The following BCAS3 variants were observed in gnomAD, a reference collection of about 807,000 sequenced individuals.
BCAS3 encodes the protein BCAS4/BCAS3 fusion.
In BCAS3, 53 loss-of-function variants were observed where a neutral mutation model predicts 116.1. That is an observed-to-expected ratio of 0.46 (90% confidence interval 0.37 to 0.57). BCAS3 has a LOEUF of 0.57. Among genes scored for constraint, BCAS3 ranks in the 20% least tolerant of loss-of-function variants. The pLI, the probability that BCAS3 is intolerant of heterozygous loss-of-function variation, is 0.00. For missense variants in BCAS3, 917 were observed against 1,165.4 expected, an observed-to-expected ratio of 0.79 and a Z score of 3.10; for synonymous variants, 391 against 408.2, an observed-to-expected ratio of 0.96 and a Z score of 0.51.
At chr17:61,074,629 A>G (rs1313795280) in intron 19 of BCAS3, among the ~76,000 whole-genome samples, 1 of 152,216 alleles carries the variant, frequency 6.6e-6, no homozygotes, top group African/African-American at 2.4e-5. Context: ...CCCAATGAAT[A>G]GATTTGTCGC....
chr17:61,353,862 T>A (rs1030305276), intron 22 of BCAS3: 4 of 152,224 alleles, frequency 2.6e-5, no homozygotes, highest in Non-Finnish European at 4.4e-5. Context: ...GCCCTCTGTT[T>A]CAGGTGTGGA....
rs1046202622 is a variant in BCAS3, at chr17:61,095,840, C to G, written c.2425+11276C>G. 1.3e-5 allele frequency among the ~76,000 whole-genome samples: 2 copies of G among 148,862 alleles called. No homozygotes were observed. Among genetic ancestry groups the G allele is most frequent in the African/African-American group, 5.1e-5 (2 of 39,056 alleles). On this transcript the variant is annotated intron_variant, in intron 22 of 23. Coordinates refer to ENST00000407086, the MANE Select transcript of BCAS3 (RefSeq NM_017679.5). This position sits in a 1 kb window ranked among gnomAD's most constrained non-coding sequence, Gnocchi z 4.7. Reference sequence around the variant, plus strand: ...TTTGAAAACCACTGGTATGCATATTCTCGTACACACACACACACACACACA... The same window carrying G: ...TTTGAAAACCACTGGTATGCATATTGTCGTACACACACACACACACACACA...
intron 10 of BCAS3, chr17:60,891,653 T>G (rs1431850201): frequency 2.2e-6 from 1 of 455,654 alleles, no homozygotes; most frequent in Non-Finnish European, 4.4e-6. Context: ...AAGCCGTATA[T>G]CTTTGTTTAG....
chr17:61,063,520 G>A lies in BCAS3; in HGVS notation c.2030-11400G>A, dbSNP rs1348679515. Among the ~76,000 whole-genome samples, 1 of 152,044 alleles carries A rather than the reference G, an allele frequency of 6.6e-6. No individual in the cohort carries two copies. The highest frequency in any genetic ancestry group is 1.5e-5 in the Non-Finnish European group (1 of 68,004). ...CTTGATCTCGTGATCCGCCACCTCG[G>A]CCTCCCAAAGTGCTGGGATTACAGG... On this transcript the variant is annotated intron_variant, in intron 19 of 23. Transcript: ENST00000407086. The surrounding 1 kb of genome is among the most constrained non-coding windows in gnomAD (Gnocchi z 5.3).
intron 19 of BCAS3, among the ~76,000 whole-genome samples, chr17:61,052,804 T>G (rs1029576207): frequency 6.7e-5 from 10 of 149,580 alleles, no homozygotes; most frequent in African/African-American, 2.4e-4. Flanking sequence ...CTACAACCTC[T>G]GCCTCCCGGA....
chr17:60,871,520 A>G (rs1455905750), intron 8 of BCAS3, among the ~76,000 whole-genome samples: 1 of 151,212 alleles, frequency 6.6e-6, no homozygotes, highest in Non-Finnish European at 1.5e-5. Flanking sequence ...AGGTTTATTT[A>G]TAGGGAAGTA....
At chr17:60,789,462 G>A (rs2046568191) in intron 6 of BCAS3, among the ~76,000 whole-genome samples, 3 of 152,068 alleles carry the variant, frequency 2.0e-5, no homozygotes, top group Admixed American at 1.3e-4. Flanking sequence ...TTAATTGTGC[G>A]ATTTATTAGG....
In BCAS3 at chr17:60,910,675, T is replaced by C; in HGVS notation, c.966T>C (p.Ile322=). 2 of 1,610,028 alleles carry C rather than the reference T, an allele frequency of 1.2e-6. No homozygotes were observed. Among genetic ancestry groups the C allele is most frequent in the Non-Finnish European group, 1.7e-6 (2 of 1,178,198 alleles). The change falls in exon 12 of 24, where the codon ATT becomes ATC. Residue 322 remains isoleucine, a synonymous_variant. Transcript: ENST00000407086. ...TGGTCCCAGGCATCATCACAGTTATTGACACCGAAACCGTTGGAGAGGGCC... is the reference window on the plus strand; with the variant it reads ...TGGTCCCAGGCATCATCACAGTTATCGACACCGAAACCGTTGGAGAGGGCC... ...SPLVPGIITV[I]DTETVGEGQV...
chr17:60,776,376 T>C (rs186994550), intron 6 of BCAS3, among the ~76,000 whole-genome samples: 1 of 152,326 alleles, frequency 6.6e-6, no homozygotes, highest in East Asian at 1.9e-4. Flanking sequence ...TACATTAATA[T>C]TAGTTTTCCA....
rs2055441681 is a variant in BCAS3 at position 60,874,807 on chromosome 17, A to C, written c.661+69A>C. ...ACTACTTACTTGACACAATCAGCAAACTAACTGTAATTTTCTCAACAGTAC... is the reference window on the plus strand; with the variant it reads ...ACTACTTACTTGACACAATCAGCAACCTAACTGTAATTTTCTCAACAGTAC... On this transcript the variant is annotated intron_variant, in intron 9 of 23. Coordinates refer to ENST00000407086, the MANE Select transcript of BCAS3 (RefSeq NM_017679.5). 24 of 947,802 alleles carry C rather than the reference A, an allele frequency of 2.5e-5. No individual in the cohort carries two copies. In the South Asian group the frequency reaches 3.8e-4, roughly 15 times the overall value. The allele number at this position is 947,802 out of a possible 1,614,324, so 58.7% of individuals were successfully genotyped here.
At chr17:61,172,572 G>A (rs1171295920) in intron 22 of BCAS3, among the ~76,000 whole-genome samples, 1 of 152,230 alleles carries the variant, frequency 6.6e-6, no homozygotes, top group Non-Finnish European at 1.5e-5. Context: ...AGGAGGCAGA[G>A]CTTGCAGTGA....
In BCAS3 at chr17:61,222,245, A is replaced by G. The variant is rs917253248; in HGVS notation, c.2425+137681A>G. On this transcript the variant is annotated intron_variant, in intron 22 of 23. Transcript: ENST00000407086. The surrounding 1 kb of genome is among the most constrained non-coding windows in gnomAD (Gnocchi z 6.1). ...TAAGGACTCAGCTTAAACCTTTGAA[A>G]GAAAGGGCCTCCATAGGCTTGTCAA... Among the ~76,000 whole-genome samples the G allele has an allele frequency of 2.6e-5, 4 of 152,254 alleles. No homozygotes were observed. The highest frequency in any genetic ancestry group is 7.2e-5 in the African/African-American group (3 of 41,474).
chr17:60,855,486 GCT>G (rs1232206054), intron 7 of BCAS3, among the ~76,000 whole-genome samples: 5 of 123,262 alleles, frequency 4.1e-5, no homozygotes, highest in African/African-American at 1.6e-4. Flanking sequence ...GCAGAGTCTT[GCT>G]CTGTCGCCCA....
At chr17:61,250,576 T>C (rs1011587689) in intron 22 of BCAS3, among the ~76,000 whole-genome samples, 1 of 152,216 alleles carries the variant, frequency 6.6e-6, no homozygotes, top group Non-Finnish European at 1.5e-5. Context: ...GAGTTAATGT[T>C]TGAGATAAGG....
chr17:60,694,076 C>T (rs192281594), intron 4 of BCAS3, among the ~76,000 whole-genome samples: 1,521 of 150,864 alleles, frequency 0.01, 66 homozygotes, highest in African/African-American at 0.035. Context: ...TTAGTAGAGA[C>T]GGGGTTTCAC....
intron 11 of BCAS3, among the ~76,000 whole-genome samples, chr17:60,908,072 TG>T (rs905444213): frequency 6.6e-6 from 1 of 152,194 alleles, no homozygotes; most frequent in African/African-American, 2.4e-5. Context: ...TCTTGTAACT[TG>T]CTATACAAAT....
In BCAS3 at chr17:61,333,690, G is replaced by A. The variant is rs1390196134; in HGVS notation, c.2426-34637G>A. Reference sequence around the variant, plus strand: ...GGCTGGAGTGCAGTGGTGCGATCTCGGCTCACTGCAACCTCTGCCTCCCAG... The same window carrying A: ...GGCTGGAGTGCAGTGGTGCGATCTCAGCTCACTGCAACCTCTGCCTCCCAG... On this transcript the variant is annotated intron_variant, in intron 22 of 23. Transcript: ENST00000407086. The surrounding 1 kb of genome is among the most constrained non-coding windows in gnomAD (Gnocchi z 4.8). Among the ~76,000 whole-genome samples the A allele has an allele frequency of 5.3e-5, 8 of 149,776 alleles. No homozygotes were observed. The highest frequency in any genetic ancestry group is 1.2e-4 in the Non-Finnish European group (8 of 67,670).
intron 13 of BCAS3, among the ~76,000 whole-genome samples, chr17:60,925,828 T>C (rs7213603): frequency 0.29 from 44,094 of 151,956 alleles, 10,231 homozygotes; most frequent in African/African-American, 0.65. Flanking sequence ...TGCTTGGGAC[T>C]AGAAGTCTTT....
At chr17:60,902,725 G>A (rs1025146866) in intron 11 of BCAS3, 22 bp downstream of exon 11, 17 of 1,532,020 alleles carry the variant, frequency 1.1e-5, no homozygotes, top group Non-Finnish European at 1.2e-5. Context: ...CGAAATCTTG[G>A]AGAGTTGTGG....
Sources: allele counts gnomAD v4.1 joint callset (sites outside exome capture counted in the v4.1 genomes callset), GRCh38; gene constraint gnomAD v4.1.1; non-coding constraint Gnocchi (gnomAD v3.1); transcripts MANE v1.5; gene names NCBI Gene and HGNC (gene_info 2026-07-23, HGNC 2026-07-21).